The following TMPRSS15 variants were observed in gnomAD, a reference collection of about 807,000 sequenced individuals.
TMPRSS15 encodes the protein transmembrane serine protease 15.
A neutral mutation model predicts 125.3 loss-of-function variants in TMPRSS15; 128 were observed. That is an observed-to-expected ratio of 1.02 (90% CI 0.89 to 1.18). TMPRSS15 has a LOEUF of 1.18. Ranked by LOEUF, TMPRSS15 falls within the 50% of genes most tolerant of loss-of-function variation. TMPRSS15 has a pLI of 0.00. For synonymous variants in TMPRSS15, 446 were observed against 423.2 expected, an observed-to-expected ratio of 1.05 and a Z score of -0.66; for missense variants, 1,283 against 1,212.7, an observed-to-expected ratio of 1.06 and a Z score of -0.86.
chr21:18,389,755 A>T (rs1275236140), intron 3 of TMPRSS15, among the ~76,000 whole-genome samples: 2 of 152,068 alleles, frequency 1.3e-5, no homozygotes, highest in African/African-American at 2.4e-5. Context: ...TTTACCTTTG[A>T]TTTGACTTTC....
chr21:18,432,116 C>A (rs2076217371), intron 1 of TMPRSS15, among the ~76,000 whole-genome samples: 1 of 152,118 alleles, frequency 6.6e-6, no homozygotes, highest in Admixed American at 6.6e-5. Flanking sequence ...TTGTCATGAA[C>A]TCATCCCTTC....
chr21:18,314,998 T>A, intron 17 of TMPRSS15, 148 bp downstream of exon 17: 1 of 704,304 alleles, frequency 1.4e-6, no homozygotes. Context: ...GGGACAGAGG[T>A]GCTAAAATCA....
intron 1 of TMPRSS15, among the ~76,000 whole-genome samples, chr21:18,470,297 A>G (rs978423): frequency 0.52 from 79,072 of 151,278 alleles, 21,121 homozygotes; most frequent in East Asian, 0.92. Context: ...TGACCCTCCT[A>G]TATTCCTTAT....
At chr21:18,405,046 C>T (rs1039183893), upstream of TMPRSS15, among the ~76,000 whole-genome samples, 22 of 152,176 alleles carry the variant, frequency 1.4e-4, no homozygotes, top group African/African-American at 4.8e-4. Flanking sequence ...AAAAGCGCCT[C>T]TTGAATTTGG....
chr21:18,341,551 G>C lies in TMPRSS15; in HGVS notation c.1429-3C>G, dbSNP rs1179874563. On this transcript the variant is annotated splice_polypyrimidine_tract_variant and splice_region_variant and intron_variant, in intron 12 of 24. Transcript: ENST00000284885. ...TTTTTAAAAGCATTAAAAGCAACCTGCAATTCAGAGAGGCATATGAAACGA... is the reference window on the plus strand; with the variant it reads ...TTTTTAAAAGCATTAAAAGCAACCTCCAATTCAGAGAGGCATATGAAACGA... 2 of 1,613,730 alleles carry C rather than the reference G, an allele frequency of 1.2e-6. No individual in the cohort carries two copies. Among genetic ancestry groups the C allele is most frequent in the African/African-American group, 2.7e-5 (2 of 74,890 alleles).
At chr21:18,485,076 T>C (rs924303083) in intron 1 of TMPRSS15, among the ~76,000 whole-genome samples, 12 of 151,948 alleles carry the variant, frequency 7.9e-5, no homozygotes, top group Non-Finnish European at 1.6e-4. Context: ...ATAGTTCTTA[T>C]ACATATTTTG....
At chr21:18,369,450 TC>T (rs1312105942) in intron 6 of TMPRSS15, among the ~76,000 whole-genome samples, 1 of 152,182 alleles carries the variant, frequency 6.6e-6, no homozygotes. Flanking sequence ...AAGTGAACTT[TC>T]CTGCTGATGT....
intron 5 of TMPRSS15, among the ~76,000 whole-genome samples, chr21:18,378,636 C>A (rs1212963770): frequency 2.0e-5 from 3 of 151,966 alleles, no homozygotes; most frequent in Admixed American, 1.3e-4. Flanking sequence ...TGAAGATCTA[C>A]AATATTGCCT....
chr21:18,476,529 C>T (rs532720819), intron 1 of TMPRSS15, among the ~76,000 whole-genome samples: 39 of 152,008 alleles, frequency 2.6e-4, no homozygotes, highest in African/African-American at 9.4e-4. Flanking sequence ...GTGCTTGAAA[C>T]AAACTATTTT....
In TMPRSS15 at chr21:18,383,736, C is replaced by A; in HGVS notation, c.387G>T (p.Gln129His). 1 of 1,613,824 alleles carries A rather than the reference C, an allele frequency of 6.2e-7. No homozygotes were observed. Among genetic ancestry groups the A allele is most frequent in the Non-Finnish European group, 8.5e-7 (1 of 1,179,882 alleles). The change falls in exon 4 of 25, where the codon CAG (glutamine) becomes CAT (histidine). Residue 129 changes from glutamine to histidine, a missense_variant. Physicochemically the swap from Gln to His is conservative, Grantham distance 24. Coordinates refer to ENST00000284885, the MANE Select transcript of TMPRSS15 (RefSeq NM_002772.3). ...IIVVFDLFFA[Q>H]WVSDENVKEE... ...CTTTTACATTTTCATCTGACACCCA[C>A]TGGGCAAAGAAAAGGTCAAATACGA... is the stretch of plus-strand genomic sequence containing the variant.
intron 21 of TMPRSS15, among the ~76,000 whole-genome samples, chr21:18,286,141 T>C (rs1373836156): frequency 2.0e-5 from 3 of 152,296 alleles, no homozygotes; most frequent in East Asian, 3.9e-4. Flanking sequence ...GGATTCACCA[T>C]GCACTTGTGA....
chr21:18,412,249 C>T (rs1212488664), intron 1 of TMPRSS15, among the ~76,000 whole-genome samples: 2 of 152,178 alleles, frequency 1.3e-5, no homozygotes, highest in Non-Finnish European at 2.9e-5. Context: ...AGTGAGCCTA[C>T]TTGTCAGATT....
In TMPRSS15 at chr21:18,275,311, T is replaced by C; in HGVS notation, c.2790A>G (p.Glu930=). The stretch of plus-strand genomic sequence containing the variant: ...CATTTGATAGAAGAGGAACATCAGC[T>C]TCTTGCAATATGTTTGCAGTAGTAC... ...YQGTTANILQ[E]ADVPLLSNER... is the part of the protein sequence containing the mutation. Residue 930 remains glutamate (E), a synonymous_variant, in exon 24 of 25, where the codon GAA becomes GAG. Transcript: ENST00000284885. 1 of 1,614,064 alleles carries C rather than the reference T, an allele frequency of 6.2e-7. No individual in the cohort carries two copies. Among genetic ancestry groups the C allele is most frequent in the Non-Finnish European group, 8.5e-7 (1 of 1,179,994 alleles).
intron 13 of TMPRSS15, among the ~76,000 whole-genome samples, chr21:18,339,109 T>G (rs1423457298): frequency 1.3e-5 from 2 of 152,204 alleles, no homozygotes; most frequent in African/African-American, 4.8e-5. Flanking sequence ...TTTCATGTAG[T>G]AATGGTTATT....
chr21:18,280,581 A>AAAAAAAAAAAAC lies in TMPRSS15; in HGVS notation c.2668+458_2668+459insGTTTTTTTTTTT, dbSNP rs1568979159. On this transcript the variant is annotated intron_variant, in intron 22 of 24. Transcript: ENST00000284885. Reference sequence around the variant, plus strand: ...ACAGAGCGAGACTCCGTCTCAAAAAAAAAAAAAAAAAAAACAACAAAACAA... The same window carrying AAAAAAAAAAAAC: ...ACAGAGCGAGACTCCGTCTCAAAAAAAAAAAAAAAAACAAAAAAAAAAAAAACAACAAAACAA... 1.7e-4 allele frequency among the ~76,000 whole-genome samples: 25 copies of AAAAAAAAAAAAC among 147,096 alleles called. 1 individual carries two copies. Among genetic ancestry groups the AAAAAAAAAAAAC allele is most frequent in the African/African-American group, 6.4e-4 (24 of 37,548 alleles).
chr21:18,285,076 C>T (rs1452174994), intron 21 of TMPRSS15, among the ~76,000 whole-genome samples: 2 of 151,922 alleles, frequency 1.3e-5, no homozygotes, highest in Non-Finnish European at 2.9e-5. Flanking sequence ...ACAAGCAAGA[C>T]ATTTATCATA....
intron 1 of TMPRSS15, among the ~76,000 whole-genome samples, chr21:18,459,662 T>C (rs547814290): frequency 6.6e-6 from 1 of 152,348 alleles, no homozygotes; most frequent in Admixed American, 6.5e-5. Context: ...TTTATTTTCA[T>C]AATTTTTGGT....
At chr21:18,319,392 A>T (rs961216167) in intron 16 of TMPRSS15, among the ~76,000 whole-genome samples, 11 of 149,476 alleles carry the variant, frequency 7.4e-5, no homozygotes, top group Admixed American at 2.0e-4. Flanking sequence ...CAGTAAAAAC[A>T]GTAACAGTAA....
intron 17 of TMPRSS15, among the ~76,000 whole-genome samples, chr21:18,313,335 A>ATC (rs59702784): frequency 0.017 from 2,598 of 150,106 alleles, 22 homozygotes; most frequent in South Asian, 0.054. Flanking sequence ...TCATTCCTCA[A>ATC]TCTCTCTCTC....
Sources: gnomAD v4.1 joint callset for allele counts (sites outside exome capture counted in the v4.1 genomes callset) on GRCh38, gnomAD v4.1.1 for gene constraint, MANE v1.5 for transcripts, NCBI Gene and HGNC (gene_info 2026-07-23, HGNC 2026-07-21) for gene names.